RAB11FIP4: variants seen among roughly 807,000 people sequenced by gnomAD.
RAB11FIP4 encodes the protein RAB11 family interacting protein 4.
In RAB11FIP4, 23 loss-of-function variants were observed where a neutral mutation model predicts 74.3. The observed-to-expected ratio is 0.31, with a 90% confidence interval of 0.22 to 0.44. The LOEUF is 0.44. Among genes scored for constraint, RAB11FIP4 ranks in the 20% least tolerant of loss-of-function variants. The pLI is 1.00. For synonymous variants in RAB11FIP4, 360 were observed against 359.9 expected (o/e 1.00, Z 0.00); for missense variants, 630 against 863.9 (o/e 0.73, Z 3.39).
At chr17:31,404,602 A>T (rs2071025979) in intron 1 of RAB11FIP4, among the ~76,000 whole-genome samples, 1 of 152,060 alleles carries the variant, frequency 6.6e-6, no homozygotes, top group Admixed American at 6.5e-5. Flanking sequence ...CGTTACCACC[A>T]CCTCTAGGTT....
intron 3 of RAB11FIP4, among the ~76,000 whole-genome samples, chr17:31,515,374 TGCCCGGCTCGCTG>T (rs2072526267): frequency 6.6e-6 from 1 of 151,730 alleles, no homozygotes; most frequent in African/African-American, 2.4e-5. Context: ...GCTGTTGGCG[TGCCCGGCTCGCTG>T]GTGTACGTGT....
intron 3 of RAB11FIP4, among the ~76,000 whole-genome samples, chr17:31,475,803 T>TC (rs1438087976): frequency 6.6e-6 from 1 of 151,472 alleles, no homozygotes; most frequent in Non-Finnish European, 1.5e-5. Context: ...TGTGTGGTTT[T>TC]TTTTTTTTTT....
At chr17:31,409,488 A>G (rs1397772807) in intron 1 of RAB11FIP4, among the ~76,000 whole-genome samples, 2 of 152,132 alleles carry the variant, frequency 1.3e-5, no homozygotes, top group South Asian at 4.1e-4. Context: ...CCCAAATCAC[A>G]GAGAATGGGG....
chr17:31,486,007 G>A (rs576137970), intron 3 of RAB11FIP4, among the ~76,000 whole-genome samples: 8 of 152,092 alleles, frequency 5.3e-5, no homozygotes, highest in Non-Finnish European at 1.2e-4. Context: ...AGGCCAAGGC[G>A]GGCAGATCAT....
intron 4 of RAB11FIP4, chr17:31,518,828 A>AT (rs756096437): frequency 2.0e-5 from 3 of 151,904 alleles, no homozygotes; most frequent in African/African-American, 4.9e-5. Flanking sequence ...TGGTGGGATG[A>AT]TTTTTTTTGT....
chr17:31,429,340 G>A (rs2071283978), intron 1 of RAB11FIP4, among the ~76,000 whole-genome samples: 1 of 152,220 alleles, frequency 6.6e-6, no homozygotes, highest in South Asian at 2.1e-4. Flanking sequence ...ACTCACACCT[G>A]CTAAAGTTCA....
Position 31,525,235 on chromosome 17 carries a change from GC to G in RAB11FIP4, c.1274+9del. On this transcript the variant is annotated splice_donor_region_variant and intron_variant, in intron 10 of 14. Coordinates refer to ENST00000621161, the MANE Select transcript of RAB11FIP4 (RefSeq NM_032932.6). ...GGTGGAGCTGCTCAATGCCAGGTGG[GC>G]CCCTCCACCGAGCCCCCTCCCTCAG... 1.3e-6 allele frequency: 2 copies of G among 1,543,020 alleles called. No homozygotes were observed. The highest frequency in any genetic ancestry group is 1.7e-6 in the Non-Finnish European group (2 of 1,144,022).
intron 3 of RAB11FIP4, chr17:31,465,844 A>G (rs2071680163): frequency 6.6e-6 from 1 of 151,760 alleles, no homozygotes; most frequent in Non-Finnish European, 1.5e-5. Context: ...TTTAAAAAAT[A>G]AAAAAAAGAG....
intron 3 of RAB11FIP4, among the ~76,000 whole-genome samples, chr17:31,485,308 T>C (rs921048286): frequency 6.6e-6 from 1 of 152,146 alleles, no homozygotes; most frequent in African/African-American, 2.4e-5. Flanking sequence ...CCCACTCCAC[T>C]ACCTTTGAGA....
chr17:31,504,286 A>G (rs962185916), intron 3 of RAB11FIP4, among the ~76,000 whole-genome samples: 2 of 149,302 alleles, frequency 1.3e-5, no homozygotes, highest in Non-Finnish European at 1.5e-5. Flanking sequence ...ACCCACCACC[A>G]CGCCCGGCTA....
intron 1 of RAB11FIP4, among the ~76,000 whole-genome samples, chr17:31,407,180 G>A (rs1357372525): frequency 1.3e-5 from 2 of 151,012 alleles, no homozygotes; most frequent in Non-Finnish European, 2.9e-5. Context: ...GAATAGCTGG[G>A]ACTAACAGGT....
intron 1 of RAB11FIP4, among the ~76,000 whole-genome samples, chr17:31,404,087 G>A (rs555845771): frequency 1.3e-5 from 2 of 152,312 alleles, no homozygotes; most frequent in African/African-American, 2.4e-5. Flanking sequence ...CCCAGGAGGT[G>A]CGCATTTCTC....
chr17:31,460,995 C>T (rs2071628493), intron 3 of RAB11FIP4, among the ~76,000 whole-genome samples: 1 of 151,880 alleles, frequency 6.6e-6, no homozygotes, highest in Admixed American at 6.6e-5. Flanking sequence ...AGCCCCCTAC[C>T]ACCCACAGCC....
intron 3 of RAB11FIP4, among the ~76,000 whole-genome samples, chr17:31,510,976 T>A (rs1302023624): frequency 6.6e-6 from 1 of 152,222 alleles, no homozygotes; most frequent in East Asian, 1.9e-4. Context: ...GAGCTGTGAT[T>A]GCGCCACTGC....
chr17:31,515,412 G>GT (rs918436486), intron 3 of RAB11FIP4, among the ~76,000 whole-genome samples: 1 of 126,948 alleles, frequency 7.9e-6, no homozygotes, highest in African/African-American at 2.5e-5. Flanking sequence ...GGTCCATCTG[G>GT]TGCTCAGCCT....
rs60367998 is a variant in RAB11FIP4, at chr17:31,490,104, T to C, written c.337-27547T>C. ...CTCCTTTGGGGTTCCAGGGGCAGCC[T>C]GCACTCGGAAGGCTCTGGGCTGCAG... On this transcript the variant is annotated intron_variant, in intron 3 of 14. Coordinates refer to ENST00000621161, the MANE Select transcript of RAB11FIP4 (RefSeq NM_032932.6). Among the ~76,000 whole-genome samples the C allele has an allele frequency of 9.2e-5, 14 of 152,202 alleles. 1 individual carries two copies. The East Asian group carries it at 2.7e-3, about 29-fold the overall frequency.
At chr17:31,530,772 GT>G (rs2072857133) in intron 14 of RAB11FIP4, among the ~76,000 whole-genome samples, 2 of 152,294 alleles carry the variant, frequency 1.3e-5, no homozygotes, top group East Asian at 3.9e-4. Flanking sequence ...GTGACTCTGG[GT>G]TAGGCTATCA....
At chr17:31,486,418 AT>A (rs942100478) in intron 3 of RAB11FIP4, among the ~76,000 whole-genome samples, 1 of 151,862 alleles carries the variant, frequency 6.6e-6, no homozygotes, top group African/African-American at 2.4e-5. Flanking sequence ...TTTATTTCTA[AT>A]TTTTTGGTAG....
chr17:31,496,715 A>G (rs1035827911), intron 3 of RAB11FIP4, among the ~76,000 whole-genome samples: 3 of 152,236 alleles, frequency 2.0e-5, no homozygotes, highest in African/African-American at 7.2e-5. Flanking sequence ...CACAGACCTC[A>G]GAAGCCCAGT....
Sources: allele counts gnomAD v4.1 joint callset (sites outside exome capture counted in the v4.1 genomes callset), GRCh38; gene constraint gnomAD v4.1.1; transcripts MANE v1.5; gene names NCBI Gene and HGNC (gene_info 2026-07-23, HGNC 2026-07-21).